The following BTBD9 variants were observed in gnomAD, a reference collection of about 807,000 sequenced individuals.
BTBD9 encodes BTB domain containing 9.
Under a neutral mutation model 64.3 loss-of-function variants are expected in BTBD9, and 49 were observed. The observed-to-expected ratio is 0.76, with a 90% CI of 0.61 to 0.97. The LOEUF (loss-of-function observed/expected upper bound fraction) is 0.97. BTBD9 is among the 50% of genes least tolerant of loss of function. The probability of loss-of-function intolerance (pLI) is 0.00; values close to 1 mark genes in which losing one functional copy is unlikely to be tolerated. For missense variants in BTBD9, 598 were observed against 762.1 expected (o/e 0.78, Z 2.53); for synonymous variants, 260 against 274.7 (o/e 0.95, Z 0.53).
intron 7 of BTBD9, among the ~76,000 whole-genome samples, chr6:38,309,293 C>T (rs564937693): frequency 5.2e-4 from 79 of 151,582 alleles, no homozygotes; most frequent in Middle Eastern, 6.9e-3. Flanking sequence ...TTGCTTAACC[C>T]AGGAGGCAGA....
At position 38,546,652 on chromosome 6, in the gene BTBD9, C is replaced by T. The variant is rs190516847; in HGVS notation, c.1154+30948G>A. On this transcript the variant is annotated intron_variant, in intron 6 of 10. Transcript: ENST00000481247. The stretch of plus-strand genomic sequence containing the variant: ...CTTTTCATTATTATTATATCTGTTA[C>T]GATACTGTTTTGTTTGTTTGTTTTA... Among the ~76,000 whole-genome samples, 11 of 152,150 alleles carry T rather than the reference C, an allele frequency of 7.2e-5. No individual in the cohort carries two copies. In the East Asian group the frequency reaches 1.5e-3, roughly 21 times the overall value.
intron 6 of BTBD9, among the ~76,000 whole-genome samples, chr6:38,398,867 A>T (rs1766806395): frequency 6.6e-6 from 1 of 151,958 alleles, no homozygotes; most frequent in Non-Finnish European, 1.5e-5. Context: ...GGAGATATAC[A>T]CTCCCTGCCC....
intron 1 of BTBD9, among the ~76,000 whole-genome samples, chr6:38,611,606 T>A (rs1777619651): frequency 6.6e-6 from 1 of 152,122 alleles, no homozygotes; most frequent in Non-Finnish European, 1.5e-5. Context: ...TGACTAGGTC[T>A]TTCTTCCCGG....
chr6:38,562,995 C>T (rs922515833), intron 6 of BTBD9, among the ~76,000 whole-genome samples: 2 of 152,142 alleles, frequency 1.3e-5, no homozygotes, highest in African/African-American at 4.8e-5. Flanking sequence ...CTGATGGACA[C>T]TTCCCATTCC....
intron 9 of BTBD9, among the ~76,000 whole-genome samples, chr6:38,225,844 T>A (rs897260893): frequency 6.6e-6 from 1 of 152,210 alleles, no homozygotes; most frequent in South Asian, 2.1e-4. Context: ...GATGTTTGTA[T>A]AGAGTTTTAC....
At position 38,179,374 on chromosome 6, in the gene BTBD9, T is replaced by C. The variant is rs755028473; in HGVS notation, c.1642-4192A>G. On this transcript the variant is annotated intron_variant, in intron 10 of 10. Transcript: ENST00000481247. ...TTGGTAACAGACTGGATGAGACTGA[T>C]AAAGGAGAGCGCCCACAATGACTCT... 1.1e-5 allele frequency: 5 copies of C among 453,974 alleles called. 1 individual carries two copies. The highest frequency in any genetic ancestry group is 7.8e-5 in the South Asian group (5 of 64,414). 28.1% of individuals were successfully genotyped at this position (453,974 alleles called of 1,614,324 possible). A position where few individuals can be genotyped will look rare whatever the true frequency, so the allele number is the denominator to read the frequency against.
At chr6:38,293,576 C>T (rs1762043322) in intron 7 of BTBD9, among the ~76,000 whole-genome samples, 1 of 152,140 alleles carries the variant, frequency 6.6e-6, no homozygotes, top group Non-Finnish European at 1.5e-5. Flanking sequence ...GAAAGGATTC[C>T]CTATTTAATA....
intron 9 of BTBD9, among the ~76,000 whole-genome samples, chr6:38,240,707 T>C (rs1763963597): frequency 1.3e-5 from 2 of 152,198 alleles, no homozygotes; most frequent in Admixed American, 6.5e-5. Flanking sequence ...TGTGAAGGCA[T>C]AAATTTGAAA....
At chr6:38,378,996 C>A (rs1019884976) in intron 6 of BTBD9, among the ~76,000 whole-genome samples, 1 of 152,008 alleles carries the variant, frequency 6.6e-6, no homozygotes, top group African/African-American at 2.4e-5. Context: ...TAATTTATCG[C>A]CCAAACCCGG....
rs769860148 is a variant in BTBD9, at chr6:38,288,279, A to T, written c.1447T>A (p.Ser483Thr). ...GAGGAGGAATCTTCTTACCGTATTG[A>T]CCCAATCATGTACGGTTGTGCCAAC... ...VQLAQPYMIGSIRLLLWDCDD... is the reference protein window; with the variant it reads ...VQLAQPYMIGTIRLLLWDCDD... The change falls in exon 8 of 11, where the codon TCA (serine) becomes ACA (threonine). Residue 483 changes from serine to threonine, a missense_variant. Coordinates refer to ENST00000481247, the MANE Select transcript of BTBD9 (RefSeq NM_001099272.2). The T allele has an allele frequency of 8.1e-6, 13 of 1,613,690 alleles. No homozygotes were observed. In the Admixed American group the frequency reaches 2.2e-4, roughly 27 times the overall value.
chr6:38,200,693 A>G (rs1762431141), intron 9 of BTBD9, among the ~76,000 whole-genome samples: 1 of 152,232 alleles, frequency 6.6e-6, no homozygotes, highest in Admixed American at 6.5e-5. Flanking sequence ...GGAAACATGC[A>G]ATCTATCAAG....
intron 6 of BTBD9, among the ~76,000 whole-genome samples, chr6:38,523,593 C>T (rs995930426): frequency 4.6e-5 from 7 of 152,178 alleles, no homozygotes; most frequent in African/African-American, 1.7e-4. Flanking sequence ...GAACAGGTCT[C>T]TCCCCTCCTC....
At chr6:38,381,046 CA>C (rs1396313825) in intron 6 of BTBD9, among the ~76,000 whole-genome samples, 1 of 150,428 alleles carries the variant, frequency 6.6e-6, no homozygotes, top group Non-Finnish European at 1.5e-5. Flanking sequence ...CAAAAGTAAA[CA>C]TAAAAGGAGG....
intron 9 of BTBD9, among the ~76,000 whole-genome samples, chr6:38,238,470 G>GT (rs34641170): frequency 0.48 from 60,787 of 127,036 alleles, 16,350 homozygotes; most frequent in East Asian, 0.54. Context: ...GGAGACCAAG[G>GT]TTTTTTGTTT....
chr6:38,537,723 A>G (rs1253313595), intron 6 of BTBD9, among the ~76,000 whole-genome samples: 1 of 152,222 alleles, frequency 6.6e-6, no homozygotes, highest in Non-Finnish European at 1.5e-5. Flanking sequence ...CCCTTCTTCT[A>G]CAGCAAATTT....
rs1016075492 is a variant in BTBD9, at chr6:38,169,769, C to CA, written c.*5215_*5216insT. ...AGGGCCTCCTCCACCCCCCCTCCCCCCCGCCCATTCAGGGCTATAAATACT... is the reference window on the plus strand; with the variant it reads ...AGGGCCTCCTCCACCCCCCCTCCCCCACCGCCCATTCAGGGCTATAAATACT... On this transcript the variant is annotated 3_prime_UTR_variant, in exon 11 of 11. Transcript: ENST00000481247. 1.3e-5 allele frequency: 2 copies of CA among 151,770 alleles called. No homozygotes were observed. Among genetic ancestry groups the CA allele is most frequent in the Non-Finnish European group, 2.9e-5 (2 of 67,908 alleles). 9.4% of individuals were successfully genotyped at this position (151,770 alleles called of 1,614,324 possible). A position where few individuals can be genotyped will look rare whatever the true frequency, so the allele number is the denominator to read the frequency against.
intron 8 of BTBD9, among the ~76,000 whole-genome samples, chr6:38,273,093 A>G (rs1348783022): frequency 6.6e-6 from 1 of 152,208 alleles, no homozygotes; most frequent in Non-Finnish European, 1.5e-5. Flanking sequence ...GGTGTATAGG[A>G]CATGGAGCAC....
intron 9 of BTBD9, among the ~76,000 whole-genome samples, chr6:38,256,139 A>T (rs1764571942): frequency 6.6e-6 from 1 of 152,018 alleles, no homozygotes; most frequent in African/African-American, 2.4e-5. Flanking sequence ...TGCATAAGGA[A>T]AGTTTTTTCG....
At chr6:38,361,276 GCTCATGA>G (rs1764943118) in intron 6 of BTBD9, among the ~76,000 whole-genome samples, 1 of 152,210 alleles carries the variant, frequency 6.6e-6, no homozygotes, top group Non-Finnish European at 1.5e-5. Flanking sequence ...GAGAGCAGTG[GCTCATGA>G]CTGTAATCCC....
Sources: allele counts gnomAD v4.1 joint callset (sites outside exome capture counted in the v4.1 genomes callset), GRCh38; gene constraint gnomAD v4.1.1; transcripts MANE v1.5; gene names NCBI Gene and HGNC (gene_info 2026-07-23, HGNC 2026-07-21).